Variants in SHROOM4 observed in about 807,000 individuals in gnomAD.
SHROOM4 encodes protein Shroom4.
In SHROOM4, 17 loss-of-function variants were observed where a neutral mutation model predicts 80.3. The ratio of observed to expected loss-of-function variants is 0.21; its 90% CI spans 0.14 to 0.32. The LOEUF is 0.32. SHROOM4 is among the 10% of genes least tolerant of loss of function. SHROOM4 has a pLI of 1.00. For synonymous variants in SHROOM4, 400 were observed against 437.5 expected (o/e 0.91, Z 1.07); for missense variants, 993 against 1,140.3 (o/e 0.87, Z 1.86).
chrX:50,726,914 TG>T (rs1351841125), intron 1 of SHROOM4, among the ~76,000 whole-genome samples: 4 of 112,428 alleles, frequency 3.6e-5, no homozygotes, highest in Non-Finnish European at 7.5e-5. Flanking sequence ...GACCCCAGAA[TG>T]GTAGATCCAC....
chrX:50,676,709 G>A (rs1932859260), intron 2 of SHROOM4, among the ~76,000 whole-genome samples: 1 of 110,010 alleles, frequency 9.1e-6, no homozygotes, highest in African/African-American at 3.3e-5. Context: ...TTTAAATATT[G>A]TTCAAAACAT....
intron 1 of SHROOM4, among the ~76,000 whole-genome samples, chrX:50,794,420 A>G (rs2147708843): frequency 9.0e-6 from 1 of 110,978 alleles, no homozygotes; most frequent in East Asian, 2.8e-4. Flanking sequence ...AATTTTAGAC[A>G]GAACTCATTT....
At chrX:50,683,078 T>A (rs7066887) in intron 2 of SHROOM4, among the ~76,000 whole-genome samples, 4,353 of 111,601 alleles carry the variant, frequency 0.039, 224 homozygotes, top group African/African-American at 0.14. Context: ...GCTTTGGGAC[T>A]CAGACTGGCT....
chrX:50,624,611 A>T (rs2147271319), intron 5 of SHROOM4, among the ~76,000 whole-genome samples: 1 of 92,006 alleles, frequency 1.1e-5, no homozygotes, highest in Non-Finnish European at 2.2e-5. Context: ...TTATCTTTTT[A>T]TCTTTTTTTT....
chrX:50,653,896 C>T, intron 2 of SHROOM4, among the ~76,000 whole-genome samples: 1 of 112,209 alleles, frequency 8.9e-6, no homozygotes, highest in Middle Eastern at 4.6e-3. Context: ...GTCAGCCTTG[C>T]ATCCCAGGGA....
At chrX:50,606,313 A>G (rs1489798520) in intron 6 of SHROOM4, among the ~76,000 whole-genome samples, 1 of 108,124 alleles carries the variant, frequency 9.2e-6, no homozygotes, top group Non-Finnish European at 1.9e-5. Context: ...TGGGCTGGAA[A>G]ACTGATCAAC....
chrX:50,636,636 T>G (rs1337804954), intron 3 of SHROOM4, among the ~76,000 whole-genome samples: 2 of 111,771 alleles, frequency 1.8e-5, no homozygotes, highest in Admixed American at 1.9e-4. Context: ...CAGGTAGTTT[T>G]TCAACCCTTG....
chrX:50,740,753 T>C (rs963744735), intron 1 of SHROOM4, among the ~76,000 whole-genome samples: 1 of 112,196 alleles, frequency 8.9e-6, no homozygotes, highest in East Asian at 2.8e-4. Context: ...AAATGTGTGA[T>C]ATCAACAATG....
At chrX:50,769,074 A>T (rs1352028736) in intron 1 of SHROOM4, among the ~76,000 whole-genome samples, 1 of 110,282 alleles carries the variant, frequency 9.1e-6, no homozygotes, top group Non-Finnish European at 1.9e-5. Context: ...ATTGTCACAC[A>T]ATGGGCCAGA....
intron 1 of SHROOM4, among the ~76,000 whole-genome samples, chrX:50,803,007 T>C (rs1204281489): frequency 8.9e-6 from 1 of 112,003 alleles, no homozygotes; most frequent in East Asian, 2.8e-4. Context: ...TTAGCTAACA[T>C]GGTGAAACCC....
At position 50,813,989 on chromosome X, in the gene SHROOM4, G is replaced by A; in HGVS notation, c.30C>T (p.Tyr10=). Residue 10 remains tyrosine (Y), a synonymous_variant, in exon 1 of 9, where the codon TAC becomes TAT. Transcript: ENST00000376020. ...CCCCCCCTTGCAGCTGCACAGGGAC[G>A]TACTGGAAGGACCCAGGCCGGTTCT... is the stretch of plus-strand genomic sequence containing the variant. MENRPGSFQ[Y]VPVQLQGGAP... 8.3e-7 allele frequency: 1 copy of A among 1,208,710 alleles called. No individual in the cohort carries two copies. Among genetic ancestry groups the A allele is most frequent in the South Asian group, 1.8e-5 (1 of 56,581 alleles).
intron 1 of SHROOM4, among the ~76,000 whole-genome samples, chrX:50,722,578 C>T (rs1569548106): frequency 9.0e-6 from 1 of 111,040 alleles, no homozygotes; most frequent in Non-Finnish European, 1.9e-5. Flanking sequence ...GAATCCCACA[C>T]TCCTAAATAA....
At chrX:50,771,167 G>A (rs2153529) in intron 1 of SHROOM4, among the ~76,000 whole-genome samples, 23,028 of 110,250 alleles carry the variant, frequency 0.21, 2,440 homozygotes, top group Non-Finnish European at 0.31. Context: ...TTAGTAAAAA[G>A]GTATTTCTCC....
intron 2 of SHROOM4, among the ~76,000 whole-genome samples, chrX:50,677,646 T>C (rs950095559): frequency 1.8e-5 from 2 of 111,664 alleles, no homozygotes; most frequent in South Asian, 3.7e-4. Context: ...GTCCAACTTA[T>C]CAGTCCACTG....
intron 1 of SHROOM4, among the ~76,000 whole-genome samples, chrX:50,750,514 G>A (rs1307268881): frequency 1.8e-5 from 2 of 111,816 alleles, no homozygotes; most frequent in African/African-American, 3.2e-5. Flanking sequence ...CACTCGCCTC[G>A]GCCTCCCAAA....
intron 1 of SHROOM4, among the ~76,000 whole-genome samples, chrX:50,764,635 A>C (rs1160657404): frequency 9.0e-6 from 1 of 111,709 alleles, no homozygotes; most frequent in African/African-American, 3.3e-5. Context: ...CCCTGAGGTC[A>C]ATTTCCAGAG....
intron 5 of SHROOM4, among the ~76,000 whole-genome samples, chrX:50,618,841 G>A (rs1259936569): frequency 3.6e-5 from 4 of 112,305 alleles, no homozygotes; most frequent in Non-Finnish European, 7.5e-5. Context: ...AAAAAGCACA[G>A]TGTCCAGACC....
chrX:50,791,753 T>C (rs1031640878), intron 1 of SHROOM4, among the ~76,000 whole-genome samples: 6 of 108,768 alleles, frequency 5.5e-5, no homozygotes, highest in Non-Finnish European at 1.1e-4. Flanking sequence ...TCAGAGGGAA[T>C]TGCAAAGAAC....
chrX:50,667,920 G>A (rs917582970), intron 2 of SHROOM4, among the ~76,000 whole-genome samples: 2 of 111,343 alleles, frequency 1.8e-5, no homozygotes, highest in African/African-American at 6.5e-5. Context: ...GACTGGGAGA[G>A]GGGTAGACAC....
Sources: gnomAD v4.1 joint callset for allele counts (sites outside exome capture counted in the v4.1 genomes callset) on GRCh38, gnomAD v4.1.1 for gene constraint, MANE v1.5 for transcripts, NCBI Gene and HGNC (gene_info 2026-07-23, HGNC 2026-07-21) for gene names.